The following KAZN variants were observed in gnomAD, a reference collection of about 807,000 sequenced individuals.
KAZN encodes the protein kazrin.
In KAZN, 40 loss-of-function variants were observed where a neutral mutation model predicts 87.4. The ratio of observed to expected loss-of-function variants is 0.46; its 90% CI spans 0.36 to 0.60. The LOEUF is 0.60. KAZN is among the 20% of genes least tolerant of loss of function. The pLI is 0.00. For missense variants in KAZN, 898 were observed against 1,073.9 expected, an observed-to-expected ratio of 0.84 and a Z score of 2.29; for synonymous variants, 466 against 458.3, an observed-to-expected ratio of 1.02 and a Z score of -0.22.
intron 1 of KAZN, among the ~76,000 whole-genome samples, chr1:14,951,570 A>C (rs766036388): frequency 1.3e-5 from 2 of 151,848 alleles, no homozygotes; most frequent in African/African-American, 4.8e-5. Context: ...TCCACCTCCC[A>C]GGTTCAAGCA....
intron 2 of KAZN, among the ~76,000 whole-genome samples, chr1:14,196,130 A>G (rs149852812): frequency 1.3e-5 from 2 of 152,274 alleles, no homozygotes; most frequent in African/African-American, 4.8e-5. Context: ...TTTTTGAGGA[A>G]CAACCAAGAG....
intron 2 of KAZN, among the ~76,000 whole-genome samples, chr1:14,284,690 A>G (rs1345927288): frequency 2.0e-5 from 3 of 152,188 alleles, no homozygotes; most frequent in Non-Finnish European, 4.4e-5. Context: ...GGTAGAGTGG[A>G]AAGGAAAGGA....
In KAZN at chr1:14,167,079, G is replaced by A. The variant is rs780166283; in HGVS notation, c.92-13356G>A. On this transcript the variant is annotated intron_variant, in intron 1 of 16. Coordinates refer to the KAZN transcript ENST00000636203. Reference sequence around the variant, plus strand: ...TGTCATCAAAAGATTTTCCTTAATGGAAAGGAAGGGGAACTGGACCCATCT... The same window carrying A: ...TGTCATCAAAAGATTTTCCTTAATGAAAAGGAAGGGGAACTGGACCCATCT... Among the ~76,000 whole-genome samples, 11 of 152,340 alleles carry A rather than the reference G, an allele frequency of 7.2e-5. 1 individual carries two copies. The highest frequency in any genetic ancestry group is 3.4e-3 in the Middle Eastern group (1 of 294).
At chr1:14,622,525 C>G (rs1433232149) in intron 1 of KAZN, among the ~76,000 whole-genome samples, 2 of 151,602 alleles carry the variant, frequency 1.3e-5, no homozygotes, top group African/African-American at 2.4e-5. Flanking sequence ...CCCGTCTCTA[C>G]TAAAAATACA....
intron 1 of KAZN, among the ~76,000 whole-genome samples, chr1:14,111,843 G>A (rs1330412034): frequency 1.3e-5 from 2 of 151,464 alleles, no homozygotes; most frequent in East Asian, 2.0e-4. Context: ...GGGTTCAAGC[G>A]ATTCTCCTGC....
At chr1:14,544,028 G>A (rs1013780224) in intron 2 of KAZN, among the ~76,000 whole-genome samples, 3 of 152,090 alleles carry the variant, frequency 2.0e-5, no homozygotes, top group African/African-American at 7.2e-5. Context: ...TTATGACTTC[G>A]TGAAATGCAT....
chr1:14,668,575 C>T (rs1045314068), intron 1 of KAZN, among the ~76,000 whole-genome samples: 18 of 152,120 alleles, frequency 1.2e-4, no homozygotes, highest in Admixed American at 7.2e-4. Context: ...TCCTGTTTCC[C>T]CTCCTCCTTC....
chr1:14,123,993 C>A (rs1010878416), intron 1 of KAZN, among the ~76,000 whole-genome samples: 3 of 152,142 alleles, frequency 2.0e-5, no homozygotes, highest in Admixed American at 2.0e-4. Flanking sequence ...CCAATAGGAG[C>A]CCTCCCCATT....
intron 1 of KAZN, among the ~76,000 whole-genome samples, chr1:14,775,961 G>C (rs1313900722): frequency 2.0e-5 from 3 of 152,184 alleles, no homozygotes; most frequent in Non-Finnish European, 4.4e-5. Flanking sequence ...GTGGTCCTGC[G>C]TGATCACTGC....
chr1:14,635,198 A>G (rs1281712182), intron 1 of KAZN, among the ~76,000 whole-genome samples: 1 of 152,186 alleles, frequency 6.6e-6, no homozygotes, highest in Non-Finnish European at 1.5e-5. Context: ...GGAGGTGCAC[A>G]GTTCTGAAAT....
Position 14,676,728 on chromosome 1 carries a change from T to C in KAZN, c.226+77505T>C, listed in dbSNP as rs113574248. ...GCCATATATTGTATGATCCCATTTA[T>C]ATGAAATGTCCAGAACAGGCAAATC... On this transcript the variant is annotated intron_variant, in intron 1 of 14. Transcript: ENST00000376030. 7.5e-3 allele frequency among the ~76,000 whole-genome samples: 1,137 copies of C among 152,280 alleles called. 13 individuals are homozygous for C. The highest frequency in any genetic ancestry group is 0.025 in the African/African-American group (1,059 of 41,558).
intron 1 of KAZN, among the ~76,000 whole-genome samples, chr1:14,959,006 C>A (rs948035331): frequency 6.6e-6 from 1 of 152,254 alleles, no homozygotes; most frequent in Admixed American, 6.5e-5. Context: ...AGTTCCCGCC[C>A]TCCTGGGCCT....
intron 2 of KAZN, among the ~76,000 whole-genome samples, chr1:14,203,620 G>A (rs903458828): frequency 7.2e-5 from 11 of 152,274 alleles, no homozygotes; most frequent in Admixed American, 2.0e-4. Context: ...TAATTGACTC[G>A]AGAGTCCAGG....
intron 1 of KAZN, among the ~76,000 whole-genome samples, chr1:14,179,769 G>A (rs779447976): frequency 7.9e-5 from 12 of 152,162 alleles, no homozygotes; most frequent in Non-Finnish European, 4.4e-5. Context: ...ATGACAGTAA[G>A]CAAAGAGATT....
chr1:14,825,426 G>A (rs1170870182), intron 1 of KAZN, among the ~76,000 whole-genome samples: 1 of 152,096 alleles, frequency 6.6e-6, no homozygotes, highest in African/African-American at 2.4e-5. Context: ...ATTTAAACAA[G>A]TATGCATTCC....
chr1:14,836,897 A>G (rs1647315156), intron 1 of KAZN, among the ~76,000 whole-genome samples: 1 of 152,182 alleles, frequency 6.6e-6, no homozygotes, highest in African/African-American at 2.4e-5. Context: ...AGTACTTGAA[A>G]CTAATGAGCC....
intron 1 of KAZN, among the ~76,000 whole-genome samples, chr1:14,027,691 AT>A (rs1641140385): frequency 6.6e-6 from 1 of 152,212 alleles, no homozygotes. Context: ...CCATTTACAT[AT>A]TAAAAAATAA....
At chr1:15,050,533 G>A (rs988098944) in intron 4 of KAZN, among the ~76,000 whole-genome samples, 5 of 152,326 alleles carry the variant, frequency 3.3e-5, no homozygotes, top group Non-Finnish European at 7.3e-5. Flanking sequence ...AGGAGGGCTT[G>A]GCCAAGCCTC....
chr1:14,050,357 C>T (rs1435071789), intron 1 of KAZN, among the ~76,000 whole-genome samples: 1 of 152,206 alleles, frequency 6.6e-6, no homozygotes, highest in African/African-American at 2.4e-5. Context: ...TGTTTTCAAA[C>T]TGCTGTAAAG....
Sources: allele counts gnomAD v4.1 joint callset (sites outside exome capture counted in the v4.1 genomes callset), GRCh38; gene constraint gnomAD v4.1.1; transcripts MANE v1.5; gene names NCBI Gene and HGNC (gene_info 2026-07-23, HGNC 2026-07-21).